Variants in WWOX observed in about 807,000 individuals in gnomAD.
WWOX encodes WW domain-containing oxidoreductase.
A neutral mutation model predicts 46.2 loss-of-function variants in WWOX; 69 were observed. The observed-to-expected ratio is 1.49, with a 90% CI of 1.23 to 1.82. The LOEUF (loss-of-function observed/expected upper bound fraction) is 1.82. Among genes scored for constraint, WWOX ranks in the 40% most tolerant of loss-of-function variants. The pLI, the probability that WWOX is intolerant of heterozygous loss-of-function variation, is 0.00. For missense variants in WWOX, 919 were observed against 542.6 expected (o/e 1.69, Z -6.89); for synonymous variants, 359 against 202.6 (o/e 1.77, Z -6.56).
intron 8 of WWOX, among the ~76,000 whole-genome samples, chr16:78,954,727 A>C (rs1458151470): frequency 2.6e-5 from 4 of 152,152 alleles, no homozygotes; most frequent in African/African-American, 4.8e-5. Context: ...GCCATAATAA[A>C]AATTATATAA....
intron 8 of WWOX, among the ~76,000 whole-genome samples, chr16:78,749,497 G>A (rs2142444824): frequency 6.6e-6 from 1 of 152,224 alleles, no homozygotes; most frequent in East Asian, 1.9e-4. Context: ...TCATAATGAA[G>A]CATTTAATGT....
intron 8 of WWOX, among the ~76,000 whole-genome samples, chr16:78,950,983 C>G (rs1014643932): frequency 6.6e-6 from 1 of 152,218 alleles, no homozygotes; most frequent in Non-Finnish European, 1.5e-5. Context: ...TCAACCGCCT[C>G]TCTTAATTCA....
chr16:78,149,423 C>T (rs1048813532), intron 4 of WWOX, among the ~76,000 whole-genome samples: 1 of 152,164 alleles, frequency 6.6e-6, no homozygotes, highest in African/African-American at 2.4e-5. Flanking sequence ...AAGCAAAGGA[C>T]AGTGTTAATT....
At chr16:78,166,881 G>A (rs1397045600) in intron 5 of WWOX, 2 of 152,226 alleles carry the variant, frequency 1.3e-5, no homozygotes, top group African/African-American at 2.4e-5. Context: ...TTATCTTGTT[G>A]CTCCAATTTC....
chr16:78,633,390 A>C (rs1387237670), intron 8 of WWOX, among the ~76,000 whole-genome samples: 1 of 152,096 alleles, frequency 6.6e-6, no homozygotes, highest in Non-Finnish European at 1.5e-5. Flanking sequence ...GCAATTTTTC[A>C]TTCACCCCTC....
intron 8 of WWOX, chr16:78,872,761 C>G (rs1567617489): frequency 6.6e-6 from 1 of 152,158 alleles, no homozygotes; most frequent in African/African-American, 2.4e-5. Context: ...TTTGAAGCAT[C>G]AACACTTACT....
intron 4 of WWOX, among the ~76,000 whole-genome samples, chr16:78,147,413 C>T (rs34163562): frequency 0.19 from 29,069 of 151,918 alleles, 2,717 homozygotes; most frequent in East Asian, 0.22. Context: ...GATGTAGCTT[C>T]GAAGCCTGAA....
intron 8 of WWOX, among the ~76,000 whole-genome samples, chr16:78,917,267 C>T (rs994928929): frequency 3.9e-5 from 6 of 152,264 alleles, no homozygotes; most frequent in Non-Finnish European, 7.4e-5. Flanking sequence ...AGTCAGGAGG[C>T]GTGGTTCCCC....
intron 8 of WWOX, among the ~76,000 whole-genome samples, chr16:79,057,113 C>T (rs921075150): frequency 1.3e-5 from 2 of 152,190 alleles, no homozygotes; most frequent in African/African-American, 4.8e-5. Flanking sequence ...GTTATGACTG[C>T]TTGGGGAGTG....
chr16:79,057,796 C>T lies in WWOX; in HGVS notation c.1057-153812C>T, dbSNP rs72795636. Reference sequence around the variant, plus strand: ...CCGGACTCGAATCCCAGCTCTGATCCATCTCAGCTCTGCCATATTGCCAAG... The same window carrying T: ...CCGGACTCGAATCCCAGCTCTGATCTATCTCAGCTCTGCCATATTGCCAAG... On this transcript the variant is annotated intron_variant, in intron 8 of 8. Transcript: ENST00000566780. Among the ~76,000 whole-genome samples the T allele has an allele frequency of 4.4e-3, 675 of 152,278 alleles. 3 individuals carry two copies. Among genetic ancestry groups the T allele is most frequent in the Admixed American group, 7.8e-3 (119 of 15,292 alleles).
At chr16:78,602,971 A>G (rs1326835880) in intron 8 of WWOX, among the ~76,000 whole-genome samples, 1 of 152,228 alleles carries the variant, frequency 6.6e-6, no homozygotes, top group African/African-American at 2.4e-5. Context: ...GATCAGAACC[A>G]TTCTGCGTTC....
intron 8 of WWOX, among the ~76,000 whole-genome samples, chr16:78,484,013 T>TCTGTTTTC (rs2084565318): frequency 6.6e-6 from 1 of 152,204 alleles, no homozygotes; most frequent in African/African-American, 2.4e-5. Context: ...GACATAATTT[T>TCTGTTTTC]TGTTTTCTGT....
At chr16:78,268,470 G>A (rs2079411680) in intron 5 of WWOX, among the ~76,000 whole-genome samples, 1 of 152,166 alleles carries the variant, frequency 6.6e-6, no homozygotes, top group African/African-American at 2.4e-5. Flanking sequence ...GTCACTACCT[G>A]CATTTGCTGT....
At chr16:79,062,590 A>G (rs1048213481) in intron 8 of WWOX, among the ~76,000 whole-genome samples, 4 of 152,196 alleles carry the variant, frequency 2.6e-5, no homozygotes, top group African/African-American at 9.6e-5. Flanking sequence ...GGTGGAGAGT[A>G]ATGACAACTT....
At chr16:78,315,282 C>A (rs1400209085) in intron 5 of WWOX, among the ~76,000 whole-genome samples, 1 of 152,166 alleles carries the variant, frequency 6.6e-6, no homozygotes, top group Admixed American at 6.5e-5. Flanking sequence ...AGAAGTGAAA[C>A]TGTTTTTTTT....
At chr16:78,404,479 C>T (rs755324115) in intron 6 of WWOX, among the ~76,000 whole-genome samples, 1 of 152,104 alleles carries the variant, frequency 6.6e-6, no homozygotes, top group East Asian at 1.9e-4. Flanking sequence ...AATGCCACCC[C>T]AACCCTCCTC....
chr16:78,894,020 T>TTTACTATTATTA (rs1555561418), intron 8 of WWOX, among the ~76,000 whole-genome samples: 14 of 140,080 alleles, frequency 1.0e-4, no homozygotes, highest in African/African-American at 3.4e-4. Context: ...TATTGAGGCT[T>TTTACTATTATTA]TTATTATTAT....
intron 5 of WWOX, among the ~76,000 whole-genome samples, chr16:78,254,576 G>A (rs895562549): frequency 7.4e-6 from 1 of 135,416 alleles, no homozygotes; most frequent in East Asian, 2.4e-4. Flanking sequence ...AGCAATCTCA[G>A]CTCACTGCAA....
chr16:78,393,681 G>T (rs1158837136), intron 6 of WWOX, among the ~76,000 whole-genome samples: 1 of 152,022 alleles, frequency 6.6e-6, no homozygotes, highest in Non-Finnish European at 1.5e-5. Flanking sequence ...GAATTGATAG[G>T]AAATTCATAT....
Sources: gnomAD v4.1 joint callset for allele counts (sites outside exome capture counted in the v4.1 genomes callset) on GRCh38, gnomAD v4.1.1 for gene constraint, MANE v1.5 for transcripts, NCBI Gene and HGNC (gene_info 2026-07-23, HGNC 2026-07-21) for gene names.